Variants in MYO3A observed in about 807,000 individuals in gnomAD.
MYO3A encodes the protein myosin IIIA.
MYO3A carries 180 observed loss-of-function variants against 192.7 expected under a neutral mutation model. The ratio of observed to expected loss-of-function variants is 0.93; its 90% confidence interval spans 0.83 to 1.06. The LOEUF (loss-of-function observed/expected upper bound fraction) is 1.06. Among genes scored for constraint, MYO3A ranks in the 50% least tolerant of loss-of-function variants. The pLI is 0.00. For missense variants in MYO3A, 1,896 were observed against 1,905.0 expected, an observed-to-expected ratio of 1.00 and a Z score of 0.09; for synonymous variants, 628 against 645.3, an observed-to-expected ratio of 0.97 and a Z score of 0.41.
chr10:26,091,342 C>G (rs1046430559), intron 15 of MYO3A, among the ~76,000 whole-genome samples: 2 of 152,122 alleles, frequency 1.3e-5, no homozygotes, highest in Non-Finnish European at 2.9e-5. Context: ...TATCTTATAA[C>G]TTGTGACTTA....
At chr10:26,072,039 GACCCTCTTC>G (rs58759321) in intron 14 of MYO3A, among the ~76,000 whole-genome samples, 71,944 of 151,688 alleles carry the variant, frequency 0.47, 17,856 homozygotes, top group Middle Eastern at 0.58. Context: ...GGCAAGCAAG[GACCCTCTTC>G]ACATGGCAGC....
intron 15 of MYO3A, among the ~76,000 whole-genome samples, chr10:26,089,989 T>A (rs897450898): frequency 6.6e-6 from 1 of 152,220 alleles, no homozygotes; most frequent in African/African-American, 2.4e-5. Flanking sequence ...AGATACTATT[T>A]ATTGATGTCT....
intron 14 of MYO3A, among the ~76,000 whole-genome samples, chr10:26,071,229 G>A (rs141438535): frequency 6.6e-6 from 1 of 152,006 alleles, no homozygotes; most frequent in Admixed American, 6.5e-5. Flanking sequence ...AAAATAGTGA[G>A]GCTACTCATA....
intron 10 of MYO3A, among the ~76,000 whole-genome samples, chr10:26,052,248 C>T (rs1241924123): frequency 1.3e-5 from 2 of 152,130 alleles, no homozygotes; most frequent in African/African-American, 4.8e-5. Context: ...TCCTTCTTTC[C>T]AACATTGCTA....
At chr10:25,952,363 C>A in intron 3 of MYO3A, 85 bp downstream of exon 3, 1 of 1,364,858 alleles carries the variant, frequency 7.3e-7, no homozygotes, top group Non-Finnish European at 1.0e-6. Context: ...TTGATTTATT[C>A]ATCACAATAG....
rs376250016 is a variant in MYO3A at position 26,122,011 on chromosome 10, ATG to A, written c.1903+1211_1903+1212del. 4.5e-4 allele frequency among the ~76,000 whole-genome samples: 68 copies of A among 152,326 alleles called. 1 individual carries two copies. The highest frequency in any genetic ancestry group is 1.6e-3 in the African/African-American group (68 of 41,580). On this transcript the variant is annotated intron_variant, in intron 18 of 34. Coordinates refer to ENST00000642920, the MANE Select transcript of MYO3A (RefSeq NM_017433.5). ...ATGTGCCTGGAAACCTCAAGGAAAC[ATG>A]TTCTAATTTTCCATATTTAAAAATT...
intron 14 of MYO3A, among the ~76,000 whole-genome samples, chr10:26,071,606 G>A (rs550439329): frequency 1.3e-5 from 2 of 152,018 alleles, no homozygotes; most frequent in African/African-American, 4.8e-5. Context: ...CAGACTCAGA[G>A]AAAATATTTG....
In MYO3A at chr10:26,170,533, A is replaced by G; in HGVS notation, c.3392A>G (p.Asn1131Ser). ...QEFDYKKNFE[N>S]TRESFVKKQA... ...TTCGACTACAAGAAAAACTTTGAAA[A>G]TACAAGGTATAATGATGTTCATTCT... Residue 1131 changes from asparagine (N) to serine (S), a missense_variant, in exon 29 of 35, where the codon AAT becomes AGT. Asn to Ser is a conservative substitution (Grantham distance 46). Coordinates refer to ENST00000642920, the MANE Select transcript of MYO3A (RefSeq NM_017433.5). The G allele has an allele frequency of 6.2e-7, 1 of 1,610,282 alleles. No individual in the cohort carries two copies. The highest frequency in any genetic ancestry group is 2.2e-5 in the East Asian group (1 of 44,758).
At chr10:26,077,783 A>G (rs564652440) in intron 14 of MYO3A, among the ~76,000 whole-genome samples, 2 of 152,218 alleles carry the variant, frequency 1.3e-5, no homozygotes, top group South Asian at 2.1e-4. Context: ...AATTCTGATT[A>G]TGTGGTGTAT....
rs1274668511 is a variant in MYO3A at position 26,203,041 on chromosome 10, G to T, written c.4664G>T (p.Ser1555Ile). The part of the protein sequence containing the change: ...LPSRSGPKEH[S>I]PSLRERRPQQ... Reference sequence around the variant, plus strand: ...AGTCGTTCTGGACCAAAGGAACATAGCCCTAGTTTAAGAGAACGAAGACCA... The same window carrying T: ...AGTCGTTCTGGACCAAAGGAACATATCCCTAGTTTAAGAGAACGAAGACCA... The change falls in exon 34 of 35, where the codon AGC (serine) becomes ATC (isoleucine). Residue 1555 changes from serine (S) to isoleucine (I), a missense_variant. Physicochemically the swap from Ser to Ile is moderately radical, Grantham distance 142. Coordinates refer to ENST00000642920, the MANE Select transcript of MYO3A (RefSeq NM_017433.5). The T allele has an allele frequency of 1.2e-6, 2 of 1,613,744 alleles. No homozygotes were observed. Among genetic ancestry groups the T allele is most frequent in the Non-Finnish European group, 1.7e-6 (2 of 1,179,790 alleles).
At chr10:26,054,942 G>C (rs192906573) in intron 10 of MYO3A, among the ~76,000 whole-genome samples, 57 of 152,314 alleles carry the variant, frequency 3.7e-4, no homozygotes, top group African/African-American at 1.1e-3. Context: ...TGATAAACTT[G>C]TTATAGCAGC....
intron 17 of MYO3A, among the ~76,000 whole-genome samples, chr10:26,119,870 A>T (rs531166939): frequency 7.0e-4 from 107 of 152,230 alleles, no homozygotes; most frequent in African/African-American, 2.5e-3. Flanking sequence ...TAAAATTCTT[A>T]TGTGGCCTGG....
intron 20 of MYO3A, among the ~76,000 whole-genome samples, chr10:26,137,410 T>C (rs997163569): frequency 6.6e-6 from 1 of 152,242 alleles, no homozygotes; most frequent in African/African-American, 2.4e-5. Flanking sequence ...TTCTTATGCC[T>C]GTCTTACTTT....
At chr10:26,168,163 T>G (rs903969715) in intron 27 of MYO3A, among the ~76,000 whole-genome samples, 1 of 152,134 alleles carries the variant, frequency 6.6e-6, no homozygotes, top group African/African-American at 2.4e-5. Context: ...TTGGCCTTAT[T>G]CTCTTCACTG....
At position 26,174,482 on chromosome 10, in the gene MYO3A, CAAG is replaced by C. The variant is rs1220982685; in HGVS notation, c.4225_4227del (p.Lys1409del). ...CAAAACATGAGGAAATCAATAACATCAAGAAGAAGGATAACAAAGACTCGAAAG... is the reference window on the plus strand; with the variant it reads ...CAAAACATGAGGAAATCAATAACATCAAGAAGGATAACAAAGACTCGAAAG... On this transcript the variant is annotated inframe_deletion, in exon 30 of 35. Transcript: ENST00000642920. 3.7e-6 allele frequency: 6 copies of C among 1,613,984 alleles called. No individual in the cohort carries two copies. Among genetic ancestry groups the C allele is most frequent in the East Asian group, 4.5e-5 (2 of 44,880 alleles).
intron 15 of MYO3A, among the ~76,000 whole-genome samples, chr10:26,089,006 A>G (rs1270062357): frequency 6.6e-6 from 1 of 152,198 alleles, no homozygotes; most frequent in Non-Finnish European, 1.5e-5. Flanking sequence ...CTAAAGAGGA[A>G]ACTATCGTTA....
chr10:26,154,841 G>T lies in MYO3A; in HGVS notation c.2793+18G>T, dbSNP rs960408780. 23 of 1,595,376 alleles carry T rather than the reference G, an allele frequency of 1.4e-5. No individual in the cohort carries two copies. The highest frequency in any genetic ancestry group is 2.7e-5 in the African/African-American group (2 of 74,442). On this transcript the variant is annotated intron_variant, in intron 25 of 34. Transcript: ENST00000642920. ...ATTTTAGAGTAAGATATTAAACTAT[G>T]ATGTATTGTGCTTAGGGGTGCTATT...
rs186315767 is a variant in MYO3A at position 26,052,256 on chromosome 10, C to T, written c.954-14719C>T. Among the ~76,000 whole-genome samples the T allele has an allele frequency of 1.7e-4, 26 of 152,242 alleles. No homozygotes were observed. The East Asian group carries it at 4.4e-3, about 26-fold the overall frequency. ...AATCCCATCCTTCTTTCCAACATTG[C>T]TACAAATTTTATGAATATATATTTA... On this transcript the variant is annotated intron_variant, in intron 10 of 34. Coordinates refer to ENST00000642920, the MANE Select transcript of MYO3A (RefSeq NM_017433.5).
chr10:25,961,949 AG>A (rs1372452938), intron 4 of MYO3A, among the ~76,000 whole-genome samples: 1 of 152,190 alleles, frequency 6.6e-6, no homozygotes, highest in Admixed American at 6.5e-5. Flanking sequence ...TCATGTTAAC[AG>A]TGCTAGGCTT....
Sources: allele counts gnomAD v4.1 joint callset (sites outside exome capture counted in the v4.1 genomes callset), GRCh38; gene constraint gnomAD v4.1.1; transcripts MANE v1.5; gene names NCBI Gene and HGNC (gene_info 2026-07-23, HGNC 2026-07-21).